The following TMEM175 variants were observed in gnomAD, a reference collection of about 807,000 sequenced individuals.
The protein encoded by TMEM175 is endosomal/lysosomal proton channel TMEM175.
TMEM175 carries 36 observed loss-of-function variants against 36.5 expected under a neutral mutation model. The ratio of observed to expected loss-of-function variants is 0.99; its 90% CI spans 0.76 to 1.30. The LOEUF (loss-of-function observed/expected upper bound fraction) is 1.30. TMEM175 is among the 50% of genes most tolerant of loss of function. TMEM175 has a pLI of 0.00. For missense variants in TMEM175, 705 were observed against 692.8 expected (o/e 1.02, Z -0.20); for synonymous variants, 339 against 313.4 (o/e 1.08, Z -0.86).
Position 957,940 on chromosome 4 carries a change from T to G in TMEM175, c.959T>G (p.Val320Gly). The change falls in exon 11 of 11, where the codon GTG becomes GGG. Residue 320 changes from valine (V) to glycine (G), a missense_variant. Coordinates refer to ENST00000264771, the MANE Select transcript of TMEM175 (RefSeq NM_032326.4). The part of the protein sequence containing the change: ...FLAYFGSFAT[V>G]GLLWFAHHSL... ...GCGTACTTCGGCTCCTTCGCCACAG[T>G]GGGACTGCTGTGGTTCGCCCACCAC... 1 of 1,612,806 alleles carries G rather than the reference T, an allele frequency of 6.2e-7. No homozygotes were observed. Among genetic ancestry groups the G allele is most frequent in the Non-Finnish European group, 8.5e-7 (1 of 1,179,934 alleles).
chr4:948,517 C>G, intron 3 of TMEM175: 1 of 1,393,150 alleles, frequency 7.2e-7, no homozygotes, highest in Non-Finnish European at 9.5e-7. Flanking sequence ...GCAGCTGCCC[C>G]AGCAGGCAGG....
chr4:949,165 G>A (rs764121720), intron 3 of TMEM175, among the ~76,000 whole-genome samples: 2 of 152,168 alleles, frequency 1.3e-5, no homozygotes, highest in South Asian at 2.1e-4. Flanking sequence ...CTTTCAGAAC[G>A]GGGTCGCTGA....
At position 958,169 on chromosome 4, in the gene TMEM175, G is replaced by A. The variant is rs746585480; in HGVS notation, c.1188G>A (p.Thr396=). Residue 396 remains threonine (T), a synonymous_variant, in exon 11 of 11, where the codon ACG becomes ACA. Transcript: ENST00000264771. ...ASIFQLAMWT[T]ALLHQAETLQ... ...TCTTCCAGCTGGCCATGTGGACCAC[G>A]GCGCTGCTGCACCAGGCGGAGACGC... 44 of 1,603,326 alleles carry A rather than the reference G, an allele frequency of 2.7e-5. No homozygotes were observed. Among genetic ancestry groups the A allele is most frequent in the Admixed American group, 1.2e-4 (7 of 59,936 alleles).
At chr4:951,367 C>A in intron 5 of TMEM175, 109 bp downstream of exon 5, 1 of 1,275,430 alleles carries the variant, frequency 7.8e-7, no homozygotes, top group Non-Finnish European at 1.1e-6. Context: ...CAGGGAGTCT[C>A]GGAGCCTGGA....
intron 3 of TMEM175, chr4:948,635 C>T (rs1728492354): frequency 4.0e-6 from 5 of 1,256,402 alleles, no homozygotes; most frequent in African/African-American, 1.5e-5. Context: ...AAAGGGTTTA[C>T]AAGCAGAGTT....
At position 958,361 on chromosome 4, in the gene TMEM175, G is replaced by A. The variant is rs766684720; in HGVS notation, c.1380G>A (p.Leu460=). The change falls in exon 11 of 11, where the codon CTG becomes CTA. Residue 460 remains leucine (L), a synonymous_variant. Transcript: ENST00000264771. ...AGATCGCCGTGCCCTGCGCCTTCCT[G>A]TTGCTGCGCCTGCTCGTGGGCCTGG... ...LMQIAVPCAF[L]LLRLLVGLAL... 2 of 1,603,546 alleles carry A rather than the reference G, an allele frequency of 1.2e-6. No homozygotes were observed. The highest frequency in any genetic ancestry group is 2.2e-5 in the South Asian group (2 of 91,084).
intron 10 of TMEM175, 111 bp downstream of exon 10, chr4:956,001 C>T: frequency 2.3e-6 from 3 of 1,322,660 alleles, no homozygotes; most frequent in Non-Finnish European, 3.1e-6. Context: ...GCTCCACCCT[C>T]CTCTGGATGC....
At chr4:937,611 TA>T (rs1334145675) in intron 1 of TMEM175, among the ~76,000 whole-genome samples, 5 of 152,184 alleles carry the variant, frequency 3.3e-5, no homozygotes, top group Non-Finnish European at 7.3e-5. Context: ...GGAATTCTAC[TA>T]AACATTGAAG....
At chr4:956,035 G>T in intron 10 of TMEM175, 145 bp downstream of exon 10, 1 of 1,075,558 alleles carries the variant, frequency 9.3e-7, no homozygotes, top group Non-Finnish European at 1.3e-6. Flanking sequence ...TGAGGTCAGG[G>T]CAGCCCCCAC....
rs371988711 is a variant in TMEM175 at position 958,411 on chromosome 4, G to A, written c.1430G>A (p.Arg477Gln). ...GCCCTGGCCACCCTGCGGGTCCTGC[G>A]GGGCCTCGCCCGGCCCGAACACCCC... is the stretch of plus-strand genomic sequence containing the variant. ...GLALATLRVLRGLARPEHPPP... is the reference protein window; with the variant it reads ...GLALATLRVLQGLARPEHPPP... Residue 477 changes from arginine (R) to glutamine (Q), a missense_variant, in exon 11 of 11, where the codon CGG becomes CAG. Coordinates refer to ENST00000264771, the MANE Select transcript of TMEM175 (RefSeq NM_032326.4). 5.6e-5 allele frequency: 89 copies of A among 1,599,106 alleles called. No homozygotes were observed. Among genetic ancestry groups the A allele is most frequent in the African/African-American group, 4.5e-4 (34 of 74,868 alleles).
chr4:932,581 A>C lies in TMEM175; in HGVS notation c.-32+41A>C. 1 of 402,460 alleles carries C rather than the reference A, an allele frequency of 2.5e-6. No homozygotes were observed. The highest frequency in any genetic ancestry group is 4.4e-6 in the Non-Finnish European group (1 of 228,414). 24.9% of individuals were successfully genotyped at this position (402,460 alleles called of 1,614,324 possible). A position where few individuals can be genotyped will look rare whatever the true frequency, so the allele number is the denominator to read the frequency against. On this transcript the variant is annotated intron_variant, in intron 1 of 10. Transcript: ENST00000264771. This position sits in a 1 kb window ranked among gnomAD's most constrained non-coding sequence, Gnocchi z 4.0. ...AGTCCAGCTCCCGGTACCGTTCCCC[A>C]CATGGTCTGTTTTGTGGGAGGCTCC...
At chr4:944,612 T>G (rs1361815675) in intron 1 of TMEM175, among the ~76,000 whole-genome samples, 1 of 152,210 alleles carries the variant, frequency 6.6e-6, no homozygotes, top group Non-Finnish European at 1.5e-5. Flanking sequence ...TGTGTATAAT[T>G]AAGAAGATAG....
intron 10 of TMEM175, chr4:956,662 T>A (rs1729698289): frequency 2.7e-6 from 1 of 376,550 alleles, no homozygotes; most frequent in South Asian, 2.2e-5. Context: ...CAGGCTGGTC[T>A]TGAACTCCTG....
chr4:956,583 C>G, intron 10 of TMEM175: 2 of 728,036 alleles, frequency 2.7e-6, no homozygotes, highest in South Asian at 3.3e-5. Context: ...GTTGGGATTA[C>G]AAGCACCCAC....
intron 1 of TMEM175, among the ~76,000 whole-genome samples, chr4:934,551 G>A (rs1342128050): frequency 2.0e-5 from 3 of 152,202 alleles, no homozygotes; most frequent in Admixed American, 2.0e-4. Flanking sequence ...ATGAAGAGAT[G>A]ATGAGGTAGA....
At position 951,697 on chromosome 4, in the gene TMEM175, A is replaced by G; in HGVS notation, c.358A>G (p.Ile120Val). Residue 120 changes from isoleucine (I) to valine (V), a missense_variant, in exon 6 of 11, where the codon ATC becomes GTC. Physicochemically the swap from Ile to Val is conservative, Grantham distance 29. Coordinates refer to ENST00000264771, the MANE Select transcript of TMEM175 (RefSeq NM_032326.4). Reference protein sequence around the residue: ...ALLNLACMMTITFLPYTFSLM... With the variant: ...ALLNLACMMTVTFLPYTFSLM... The stretch of plus-strand genomic sequence containing the variant: ...CTCCCTCCAGGCCTGCATGATGACC[A>G]TCACCTTCCTGCCTTACACGGTGAG... 6.2e-7 allele frequency: 1 copy of G among 1,613,912 alleles called. No individual in the cohort carries two copies. The highest frequency in any genetic ancestry group is 8.5e-7 in the Non-Finnish European group (1 of 1,179,960).
rs1293655133 is a variant in TMEM175 at position 955,991 on chromosome 4, G to T, written c.842+101G>T. The T allele has an allele frequency of 3.5e-6, 5 of 1,417,808 alleles. No individual in the cohort carries two copies. The East Asian group carries it at 1.2e-4, about 33-fold the overall frequency. The allele number at this position is 1,417,808 out of a possible 1,614,324, so 87.8% of individuals were successfully genotyped here. On this transcript the variant is annotated intron_variant, in intron 10 of 10. Transcript: ENST00000264771. ...ACCCCAGAAAGGCACAGGGGTCTTG[G>T]CTCCACCCTCCTCTGGATGCCTAGA...
At chr4:944,568 T>C (rs1727899485) in intron 1 of TMEM175, among the ~76,000 whole-genome samples, 1 of 152,226 alleles carries the variant, frequency 6.6e-6, no homozygotes, top group South Asian at 2.1e-4. Context: ...TTCTTATTTG[T>C]GGTTTTCATT....
chr4:944,186 G>A (rs181066748), intron 1 of TMEM175, among the ~76,000 whole-genome samples: 12 of 152,284 alleles, frequency 7.9e-5, no homozygotes, highest in Admixed American at 6.5e-4. Context: ...CCAGCTGCTC[G>A]GGAGGCTGAG....
Sources: gnomAD v4.1 joint callset for allele counts (sites outside exome capture counted in the v4.1 genomes callset) on GRCh38, gnomAD v4.1.1 for gene constraint, Gnocchi (gnomAD v3.1) non-coding constraint, MANE v1.5 for transcripts, NCBI Gene and HGNC (gene_info 2026-07-23, HGNC 2026-07-21) for gene names.